PEAK1: variants seen among roughly 807,000 people sequenced by gnomAD.
PEAK1 encodes the protein inactive tyrosine-protein kinase PEAK1.
Under a neutral mutation model 124.7 loss-of-function variants are expected in PEAK1, and 54 were observed. That is an observed-to-expected ratio of 0.43 (90% confidence interval 0.35 to 0.54). PEAK1 has a LOEUF of 0.54. Among genes scored for constraint, PEAK1 ranks in the 20% least tolerant of loss-of-function variants. The pLI, the probability that PEAK1 is intolerant of heterozygous loss-of-function variation, is 0.01. For synonymous variants in PEAK1, 719 were observed against 760.0 expected (o/e 0.95, Z 0.89); for missense variants, 2,046 against 2,134.5 (o/e 0.96, Z 0.82).
chr15:77,305,877 G>T (rs552173977), intron 2 of PEAK1, among the ~76,000 whole-genome samples: 1 of 152,046 alleles, frequency 6.6e-6, no homozygotes, highest in Non-Finnish European at 1.5e-5. Flanking sequence ...TTATTGTGTT[G>T]CTATTTTTTA....
At chr15:77,350,601 A>C in intron 2 of PEAK1, 1 of 965,294 alleles carries the variant, frequency 1.0e-6, no homozygotes, top group Non-Finnish European at 1.2e-6. Flanking sequence ...TGTGTGTTAG[A>C]GATTCAAGTA....
chr15:77,403,393 G>C, intron 1 of PEAK1: 5 of 918,958 alleles, frequency 5.4e-6, no homozygotes, highest in Non-Finnish European at 6.5e-6. Flanking sequence ...AAAATATTAC[G>C]GGTAAGTAAA....
intron 2 of PEAK1, among the ~76,000 whole-genome samples, chr15:77,315,162 T>G (rs1217173299): frequency 6.6e-6 from 1 of 152,248 alleles, no homozygotes; most frequent in Non-Finnish European, 1.5e-5. Context: ...ACAATTTGAC[T>G]TTTGTTCCAG....
intron 6 of PEAK1, among the ~76,000 whole-genome samples, chr15:77,240,492 T>C (rs765899605): frequency 1.2e-4 from 18 of 151,794 alleles, no homozygotes; most frequent in Non-Finnish European, 2.5e-4. Context: ...TAGTGGCTTG[T>C]GTCTTTAGTC....
intron 1 of PEAK1, chr15:77,419,364 G>A (rs1293546912): frequency 1.2e-5 from 12 of 985,328 alleles, no homozygotes; most frequent in Non-Finnish European, 1.2e-5. Context: ...AAGAAAAGTT[G>A]CAAGAACGGA....
intron 1 of PEAK1, among the ~76,000 whole-genome samples, chr15:77,410,499 T>C (rs1301565484): frequency 6.6e-6 from 1 of 152,232 alleles, no homozygotes; most frequent in Non-Finnish European, 1.5e-5. Context: ...ACAGATTTAT[T>C]TTGTTTTACA....
chr15:77,398,328 C>A lies in PEAK1; in HGVS notation c.-666+21678G>T, dbSNP rs900121153. 2.6e-5 allele frequency among the ~76,000 whole-genome samples: 4 copies of A among 152,074 alleles called. No individual in the cohort carries two copies. The East Asian group carries it at 7.7e-4, about 29-fold the overall frequency. On this transcript the variant is annotated intron_variant, in intron 1 of 9. Transcript: ENST00000682557. ...AAAAAAGAAAAAGCAAAGATACAGG[C>A]CAACATCTCTGATGAACATTTATGC... is the stretch of plus-strand genomic sequence containing the variant.
intron 6 of PEAK1, among the ~76,000 whole-genome samples, chr15:77,248,167 G>T (rs1428008086): frequency 6.6e-6 from 1 of 151,968 alleles, no homozygotes. Flanking sequence ...ATAGTGCTGG[G>T]ATTACAGGTG....
chr15:77,334,215 A>T (rs2066059907), intron 2 of PEAK1: 2 of 983,936 alleles, frequency 2.0e-6, no homozygotes. Flanking sequence ...TTTAGACGTA[A>T]CTAACCACAT....
intron 7 of PEAK1, among the ~76,000 whole-genome samples, chr15:77,172,151 T>C (rs1276010077): frequency 3.9e-5 from 6 of 152,194 alleles, no homozygotes; most frequent in Admixed American, 3.3e-4. Context: ...CAATAAACTT[T>C]TTGTACTCAG....
At chr15:77,296,789 G>C (rs1280592661) in intron 2 of PEAK1, among the ~76,000 whole-genome samples, 1 of 151,406 alleles carries the variant, frequency 6.6e-6, no homozygotes, top group Non-Finnish European at 1.5e-5. Flanking sequence ...TGTTTAAAGA[G>C]GCCCATATTT....
At chr15:77,338,191 A>G (rs2066314144) in intron 2 of PEAK1, 8 of 790,594 alleles carry the variant, frequency 1.0e-5, no homozygotes, top group Non-Finnish European at 1.2e-5. Flanking sequence ...AAAGACTGCA[A>G]TCCTGTATGG....
chr15:77,250,175 G>GTATATATATACATATATATACATA (rs1163916105), intron 6 of PEAK1, among the ~76,000 whole-genome samples: 1 of 130,874 alleles, frequency 7.6e-6, no homozygotes, highest in African/African-American at 3.1e-5. Flanking sequence ...ACATATATAT[G>GTATATATATACATATATATACATA]TATATGTATA....
At position 77,180,432 on chromosome 15, in the gene PEAK1, T is replaced by C. The variant is rs1244642588; in HGVS notation, c.1495A>G (p.Lys499Glu). Residue 499 changes from lysine (K) to glutamate (E), a missense_variant, in exon 7 of 10, where the codon AAA becomes GAA. Lys to Glu is a moderately conservative substitution (Grantham distance 56). Transcript: ENST00000682557. ...LEGPVNSPKT[K>E]SSSSTPNSPV... ...GAGTTTGGAGTAGAGGATGAGCTTT[T>C]TGTCTTGGGGCTGTTAACAGGGCCC... The C allele has an allele frequency of 2.5e-6, 4 of 1,614,128 alleles. No homozygotes were observed. Among genetic ancestry groups the C allele is most frequent in the Admixed American group, 1.7e-5 (1 of 60,010 alleles).
rs774841535 is a variant in PEAK1 at position 77,234,802 on chromosome 15, A to AT, written c.-115+17564dup. 6.6e-5 allele frequency among the ~76,000 whole-genome samples: 10 copies of AT among 152,020 alleles called. No homozygotes were observed. In the South Asian group the frequency reaches 1.0e-3, roughly 16 times the overall value. On this transcript the variant is annotated intron_variant, in intron 6 of 9. Transcript: ENST00000682557. The stretch of plus-strand genomic sequence containing the variant: ...AGGTATGGACCACCATGTCCAGCTA[A>AT]TTAAAAAAAAATATATATATTTTTT...
intron 8 of PEAK1, among the ~76,000 whole-genome samples, chr15:77,151,102 T>A (rs568138725): frequency 8.3e-4 from 126 of 152,290 alleles, no homozygotes; most frequent in Non-Finnish European, 1.4e-3. Context: ...ACTTCCACAA[T>A]GGTTGAACTA....
chr15:77,280,353 G>A (rs981974425), intron 5 of PEAK1, among the ~76,000 whole-genome samples: 1 of 151,718 alleles, frequency 6.6e-6, no homozygotes, highest in Non-Finnish European at 1.5e-5. Context: ...TCAAAAAAAA[G>A]GTCAGTTTTA....
chr15:77,173,330 A>G (rs890875907), intron 7 of PEAK1, among the ~76,000 whole-genome samples: 1 of 152,200 alleles, frequency 6.6e-6, no homozygotes, highest in Non-Finnish European at 1.5e-5. Context: ...AAAAAATTTT[A>G]AATTAACAAA....
rs909666320 is a variant in PEAK1, at chr15:77,293,979, T to C, written c.-602-7475A>G. The stretch of plus-strand genomic sequence containing the variant: ...CTATCTTTTTGCTAAGTGTGTTGAT[T>C]TGTTGCTTCAAAGCTGTTTGCTTTA... On this transcript the variant is annotated intron_variant, in intron 2 of 9. Transcript: ENST00000682557. Among the ~76,000 whole-genome samples the C allele has an allele frequency of 2.6e-5, 4 of 152,224 alleles. No homozygotes were observed. The East Asian group carries it at 7.7e-4, about 29-fold the overall frequency.
Sources: gnomAD v4.1 joint callset for allele counts (sites outside exome capture counted in the v4.1 genomes callset) on GRCh38, gnomAD v4.1.1 for gene constraint, MANE v1.5 for transcripts, NCBI Gene and HGNC (gene_info 2026-07-23, HGNC 2026-07-21) for gene names.